CASP6: variants seen among roughly 807,000 people sequenced by gnomAD.
The protein encoded by CASP6 is caspase 6.
A neutral mutation model predicts 31.8 loss-of-function variants in CASP6; 20 were observed. That is an observed-to-expected ratio of 0.63 (90% CI 0.44 to 0.91). CASP6 has a LOEUF of 0.91. Among genes scored for constraint, CASP6 ranks in the 40% least tolerant of loss-of-function variants. CASP6 has a pLI of 0.00. For synonymous variants in CASP6, 130 were observed against 127.8 expected (o/e 1.02, Z -0.12); for missense variants, 328 against 361.1 (o/e 0.91, Z 0.74).
chr4:109,697,690 C>A lies in CASP6; in HGVS notation c.162G>T (p.Arg54Ser), dbSNP rs779755895. 3.1e-6 allele frequency: 5 copies of A among 1,614,026 alleles called. No individual in the cohort carries two copies. Among genetic ancestry groups the A allele is most frequent in the Admixed American group, 3.3e-5 (2 of 60,004 alleles). ...CTGGCAGTGTTAAGTGCCAAAAGAA[C>A]CTCTCATGATTGAAGATTAAAGCAA... ...RGIALIFNHE[R>S]FFWHLTLPER... Residue 54 changes from arginine (R) to serine (S), a missense_variant, in exon 3 of 7, where the codon AGG becomes AGT. Coordinates refer to ENST00000265164, the MANE Select transcript of CASP6 (RefSeq NM_001226.4).
At chr4:109,691,902 A>G (rs1730068360) in intron 5 of CASP6, 2 of 152,222 alleles carry the variant, frequency 1.3e-5, no homozygotes, top group African/African-American at 2.4e-5. Flanking sequence ...GCCTCAGAAG[A>G]AACCAATCCT....
At chr4:109,684,642 G>A (rs201083400), downstream of CASP6, 191 of 1,409,056 alleles carry the variant, frequency 1.4e-4, no homozygotes, top group Non-Finnish European at 1.6e-4. Context: ...ATAGTCACTC[G>A]ACAGGTGAGT....
chr4:109,682,456 T>C, the CASP6 span: 1 of 735,672 alleles, frequency 1.4e-6, no homozygotes, highest in Non-Finnish European at 2.3e-6. Context: ...TACATGTTTG[T>C]ACACCAGCTT....
chr4:109,690,969 A>G lies in CASP6; in HGVS notation c.524T>C (p.Leu175Ser). 1 of 1,613,652 alleles carries G rather than the reference A, an allele frequency of 6.2e-7. No individual in the cohort carries two copies. Residue 175 changes from leucine (L) to serine (S), a missense_variant, in exon 6 of 7, where the codon TTG becomes TCG. Coordinates refer to ENST00000265164, the MANE Select transcript of CASP6 (RefSeq NM_001226.4). Reference protein sequence around the residue: ...GNQHDVPVIPLDVVDNQTEKL... With the variant: ...GNQHDVPVIPSDVVDNQTEKL... ...CTCTGTCTGATTATCTACTACATCC[A>G]AAGGAATGACTGGCACATCGTGCTG...
upstream of CASP6, among the ~76,000 whole-genome samples, chr4:109,706,170 TAC>T (rs58287938): frequency 2.9e-4 from 26 of 89,026 alleles, no homozygotes; most frequent in African/African-American, 7.9e-4. Context: ...TATATATATA[TAC>T]ACACACACAT....
the CASP6 span, among the ~76,000 whole-genome samples, chr4:109,683,581 CAAAT>C: frequency 3.9e-5 from 6 of 152,156 alleles, no homozygotes; most frequent in African/African-American, 2.4e-5. Flanking sequence ...TGTGTACAAA[CAAAT>C]ACATTCTTAT....
chr4:109,676,485 A>G, the CASP6 span, among the ~76,000 whole-genome samples: 1 of 152,172 alleles, frequency 6.6e-6, no homozygotes, highest in African/African-American at 2.4e-5. Flanking sequence ...TGGACTTGCA[A>G]AGAACTTCTG....
chr4:109,687,611 C>T (rs549084835), downstream of CASP6: 54 of 1,532,844 alleles, frequency 3.5e-5, no homozygotes, highest in South Asian at 3.7e-4. Context: ...TTTTAAATGT[C>T]GTCAGATTTT....
downstream of CASP6, chr4:109,687,942 C>CAGAG (rs1214451930): frequency 1.1e-5 from 2 of 176,256 alleles, no homozygotes; most frequent in African/African-American, 4.7e-5. Context: ...TTAAAAAAAT[C>CAGAG]AGAGACCAGG....
At chr4:109,703,609 G>A (rs1454822325), upstream of CASP6, 7 of 596,362 alleles carry the variant, frequency 1.2e-5, no homozygotes, top group African/African-American at 1.2e-4. Context: ...GGAGCCCGCG[G>A]GGACCAAGAG....
At position 109,696,477 on chromosome 4, in the gene CASP6, A is replaced by T; in HGVS notation, c.240T>A (p.Asp80Glu). 6.2e-7 allele frequency: 1 copy of T among 1,610,044 alleles called. No homozygotes were observed. Among genetic ancestry groups the T allele is most frequent in the African/African-American group, 1.3e-5 (1 of 74,912 alleles). ...DRDNLTRRFSDLGFEVKCFND... is the reference protein window; with the variant it reads ...DRDNLTRRFSELGFEVKCFND... Reference sequence around the variant, plus strand: ...TAAAGCATTTCACTTCAAATCCTAGATCTGAAAACCTAGTGGTATATTAAA... The same window carrying T: ...TAAAGCATTTCACTTCAAATCCTAGTTCTGAAAACCTAGTGGTATATTAAA... The change falls in exon 4 of 7, where the codon GAT becomes GAA. Residue 80 changes from aspartate (D) to glutamate (E), a missense_variant. Physicochemically the swap from Asp to Glu is conservative, Grantham distance 45 (BLOSUM62 2). Coordinates refer to ENST00000265164, the MANE Select transcript of CASP6 (RefSeq NM_001226.4).
chr4:109,705,957 CAG>C (rs1308459744), upstream of CASP6, among the ~76,000 whole-genome samples: 1 of 85,422 alleles, frequency 1.2e-5, no homozygotes, highest in Admixed American at 2.0e-4. Flanking sequence ...GTCTGGGTGA[CAG>C]AGTAAGACAC....
At chr4:109,699,920 C>T (rs180875649) in intron 1 of CASP6, among the ~76,000 whole-genome samples, 1 of 152,340 alleles carries the variant, frequency 6.6e-6, no homozygotes, top group African/African-American at 2.4e-5. Context: ...GAAACAATAA[C>T]TTCAAGAAAA....
intron 1 of CASP6, among the ~76,000 whole-genome samples, chr4:109,702,339 T>TC (rs372287872): frequency 0.025 from 3,714 of 149,698 alleles, 169 homozygotes; most frequent in African/African-American, 0.085. Context: ...TTTTTTTTTT[T>TC]TTCTTCTTGA....
the CASP6 span, among the ~76,000 whole-genome samples, chr4:109,676,768 GACAA>G: frequency 6.6e-6 from 1 of 152,226 alleles, no homozygotes; most frequent in Admixed American, 6.5e-5. Context: ...ATTTAAGAGT[GACAA>G]ACTAATTTAC....
the CASP6 span, among the ~76,000 whole-genome samples, chr4:109,681,274 T>G: frequency 0.71 from 107,971 of 152,006 alleles, 39,132 homozygotes; most frequent in African/African-American, 0.86. Context: ...AAGGAAAAGG[T>G]CCTTGAGTCT....
chr4:109,705,996 AAAAAAATATATATAT>A (rs1344163046), upstream of CASP6, among the ~76,000 whole-genome samples: 86 of 64,520 alleles, frequency 1.3e-3, 3 homozygotes, highest in South Asian at 6.8e-3. Flanking sequence ...AAAAAAAAAA[AAAAAAATATATATAT>A]ATATATATAT....
At chr4:109,705,348 C>A (rs1045499943), upstream of CASP6, among the ~76,000 whole-genome samples, 1 of 152,214 alleles carries the variant, frequency 6.6e-6, no homozygotes. Context: ...AAATATTACT[C>A]CTCATTGACA....
rs767932998 is a variant in CASP6, at chr4:109,697,647, C to T, written c.205G>A (p.Ala69Thr). Residue 69 changes from alanine (A) to threonine (T), a missense_variant, in exon 3 of 7, where the codon GCA becomes ACA. By Grantham distance (58) the Ala-to-Thr change is moderately conservative. Transcript: ENST00000265164. Reference protein sequence around the residue: ...LTLPERRGTCADRDNLTRRFS... With the variant: ...LTLPERRGTCTDRDNLTRRFS... ...CTGCGGGTAAGATTGTCTCTATCTG[C>T]GCAGGTGCCCCGCCTTTCTGGCAGT... 10 of 1,612,378 alleles carry T rather than the reference C, an allele frequency of 6.2e-6. No individual in the cohort carries two copies. Among genetic ancestry groups the T allele is most frequent in the Admixed American group, 3.4e-5 (2 of 59,650 alleles).
Sources: allele counts gnomAD v4.1 joint callset (sites outside exome capture counted in the v4.1 genomes callset), GRCh38; gene constraint gnomAD v4.1.1; transcripts MANE v1.5; gene names NCBI Gene and HGNC (gene_info 2026-07-23, HGNC 2026-07-21).